Variants in OSBPL9 observed in about 807,000 individuals in gnomAD.
OSBPL9 encodes oxysterol-binding protein-related protein 9.
A neutral mutation model predicts 106.6 loss-of-function variants in OSBPL9; 40 were observed. That is an observed-to-expected ratio of 0.38 (90% CI 0.29 to 0.49). The LOEUF (loss-of-function observed/expected upper bound fraction) is 0.49, where lower values mean the gene tolerates loss of function less well. Among genes scored for constraint, OSBPL9 ranks in the 20% least tolerant of loss-of-function variants. The probability of loss-of-function intolerance (pLI) is 0.97; values close to 1 mark genes in which losing one functional copy is unlikely to be tolerated. For synonymous variants in OSBPL9, 269 were observed against 295.4 expected, an observed-to-expected ratio of 0.91 and a Z score of 0.92; for missense variants, 609 against 887.2, an observed-to-expected ratio of 0.69 and a Z score of 3.98.
chr1:51,782,433 A>G (rs1676597998), intron 16 of OSBPL9, 126 bp from the exon 17 acceptor site: 3 of 640,514 alleles, frequency 4.7e-6, no homozygotes, highest in Non-Finnish European at 7.8e-6. Flanking sequence ...GTTAAGTTCT[A>G]CAATAGAAAT....
At chr1:51,684,569 C>T (rs888259097) in intron 3 of OSBPL9, among the ~76,000 whole-genome samples, 1 of 152,152 alleles carries the variant, frequency 6.6e-6, no homozygotes, top group Non-Finnish European at 1.5e-5. Context: ...CTTGCTCTGT[C>T]GCCCAGGCTG....
chr1:51,640,881 T>C (rs536948589), intron 1 of OSBPL9, among the ~76,000 whole-genome samples: 1 of 151,876 alleles, frequency 6.6e-6, no homozygotes, highest in East Asian at 1.9e-4. Flanking sequence ...ACTCCTGGGC[T>C]AACAGGATCC....
intron 1 of OSBPL9, among the ~76,000 whole-genome samples, chr1:51,632,373 T>C (rs532542570): frequency 6.6e-6 from 1 of 152,316 alleles, no homozygotes; most frequent in Non-Finnish European, 1.5e-5. Context: ...TATTATTTCC[T>C]TTGAACAGTG....
intron 3 of OSBPL9, chr1:51,708,939 A>C (rs1659210915): frequency 6.6e-6 from 1 of 152,200 alleles, no homozygotes; most frequent in Non-Finnish European, 1.5e-5. Flanking sequence ...TGTTTTGTAT[A>C]TACAATCTAT....
At chr1:51,547,386 G>T in the OSBPL9 span, among the ~76,000 whole-genome samples, 1 of 151,858 alleles carries the variant, frequency 6.6e-6, no homozygotes, top group African/African-American at 2.4e-5. Context: ...AAAATATGAA[G>T]AAAAAATGCG....
At chr1:51,522,052 C>T in the OSBPL9 span, among the ~76,000 whole-genome samples, 2 of 152,102 alleles carry the variant, frequency 1.3e-5, no homozygotes, top group African/African-American at 4.8e-5. Context: ...CCACCGTGCC[C>T]GGCCAAATGT....
chr1:51,595,994 C>T (rs1387613663), intron 1 of OSBPL9, among the ~76,000 whole-genome samples: 6 of 151,950 alleles, frequency 3.9e-5, no homozygotes, highest in South Asian at 2.1e-4. Flanking sequence ...TGGTGCCTCA[C>T]GCCTGTAACT....
chr1:51,751,733 T>C (rs1669286042), intron 8 of OSBPL9, among the ~76,000 whole-genome samples: 1 of 152,188 alleles, frequency 6.6e-6, no homozygotes, highest in South Asian at 2.1e-4. Context: ...TTAAGCCAGT[T>C]TGGGTGATCT....
At chr1:51,708,701 C>A (rs547863816) in intron 3 of OSBPL9, among the ~76,000 whole-genome samples, 1 of 152,074 alleles carries the variant, frequency 6.6e-6, no homozygotes, top group South Asian at 2.1e-4. Context: ...CTCGTATATT[C>A]GATTTCTTTT....
intron 3 of OSBPL9, among the ~76,000 whole-genome samples, chr1:51,680,794 C>G (rs1346077303): frequency 6.6e-6 from 1 of 152,098 alleles, no homozygotes; most frequent in Non-Finnish European, 1.5e-5. Context: ...TTAACCAAAT[C>G]TCTGGTTAAC....
intron 1 of OSBPL9, among the ~76,000 whole-genome samples, chr1:51,621,068 C>T (rs924658717): frequency 5.3e-5 from 8 of 152,208 alleles, no homozygotes; most frequent in South Asian, 2.1e-4. Flanking sequence ...CTAAAGAGGA[C>T]GGTAAAATGA....
chr1:51,684,345 C>T (rs1006539350), intron 3 of OSBPL9, among the ~76,000 whole-genome samples: 1 of 152,018 alleles, frequency 6.6e-6, no homozygotes, highest in African/African-American at 2.4e-5. Flanking sequence ...TAACAATGTA[C>T]TGTATTCTTG....
chr1:51,686,687 C>A (rs1653875313), intron 3 of OSBPL9, among the ~76,000 whole-genome samples: 1 of 152,200 alleles, frequency 6.6e-6, no homozygotes, highest in South Asian at 2.1e-4. Flanking sequence ...ATGATCAAGT[C>A]TGTTACCAGG....
chr1:51,584,200 C>G (rs1294066675), intron 1 of OSBPL9, among the ~76,000 whole-genome samples: 1 of 152,066 alleles, frequency 6.6e-6, no homozygotes, highest in Non-Finnish European at 1.5e-5. Flanking sequence ...GTCTGGGATT[C>G]CAAAACGTCA....
chr1:51,686,940 G>A (rs986434687), intron 3 of OSBPL9, among the ~76,000 whole-genome samples: 7 of 152,214 alleles, frequency 4.6e-5, no homozygotes. Flanking sequence ...AAGACTGAAT[G>A]TAGAGCATGA....
intron 1 of OSBPL9, among the ~76,000 whole-genome samples, chr1:51,651,741 A>G (rs1027452457): frequency 3.3e-5 from 5 of 152,234 alleles, no homozygotes; most frequent in Admixed American, 6.5e-5. Context: ...AATGAAAATA[A>G]TGATGTAATA....
At chr1:51,700,032 C>T (rs942149376) in intron 3 of OSBPL9, among the ~76,000 whole-genome samples, 1 of 152,112 alleles carries the variant, frequency 6.6e-6, no homozygotes, top group Admixed American at 6.5e-5. Flanking sequence ...GTGAGAAAAA[C>T]TTTATCTTTG....
intron 1 of OSBPL9, among the ~76,000 whole-genome samples, chr1:51,578,644 C>T (rs987909153): frequency 6.9e-6 from 1 of 143,980 alleles, no homozygotes; most frequent in African/African-American, 2.9e-5. Context: ...TTCTTCTGCA[C>T]CCTTGTTTTG....
At chr1:51,732,754 C>T (rs12025682) in intron 4 of OSBPL9, among the ~76,000 whole-genome samples, 5,546 of 152,214 alleles carry the variant, frequency 0.036, 240 homozygotes, top group East Asian at 0.11. Flanking sequence ...TATCCAAAAA[C>T]AAATTTGGAA....
Sources: allele counts gnomAD v4.1 joint callset (sites outside exome capture counted in the v4.1 genomes callset), GRCh38; gene constraint gnomAD v4.1.1; transcripts MANE v1.5; gene names NCBI Gene and HGNC (gene_info 2026-07-23, HGNC 2026-07-21).